Variants in UGT2B15 observed in about 807,000 individuals in gnomAD.
UGT2B15 encodes the protein UDP glucuronosyltransferase family 2 member B15, also known as UDP-glucuronosyltransferase 2B15.
UGT2B15 carries 36 observed loss-of-function variants against 45.9 expected under a neutral mutation model. The ratio of observed to expected loss-of-function variants is 0.78; its 90% CI spans 0.60 to 1.04. The LOEUF is 1.04. Ranked by LOEUF, UGT2B15 falls within the 50% of genes least tolerant of loss-of-function variation. The pLI, the probability that UGT2B15 is intolerant of heterozygous loss-of-function variation, is 0.00. For missense variants in UGT2B15, 617 were observed against 622.4 expected, an observed-to-expected ratio of 0.99 and a Z score of 0.09; for synonymous variants, 219 against 216.4, an observed-to-expected ratio of 1.01 and a Z score of -0.11.
Position 68,670,273 on chromosome 4 carries a change from A to G in UGT2B15, c.346T>C (p.Leu116=), listed in dbSNP as rs545114678. 1.2e-6 allele frequency: 2 copies of G among 1,614,090 alleles called. No homozygotes were observed. The highest frequency in any genetic ancestry group is 1.3e-5 in the African/African-American group (1 of 75,036). The part of the protein sequence containing the change: ...FWSYFSQLQE[L]CWEYYDYSNK... Reference sequence around the variant, plus strand: ...CTGTAGTCATAATATTCCCAACACAATTCTTGTAATTGTGAAAAATATGAC... The same window carrying G: ...CTGTAGTCATAATATTCCCAACACAGTTCTTGTAATTGTGAAAAATATGAC... The change falls in exon 1 of 6, where the codon TTG becomes CTG. Residue 116 remains leucine (L), a synonymous_variant. Transcript: ENST00000338206.
Position 68,655,936 on chromosome 4 carries a change from G to A in UGT2B15, c.1006-754C>T, listed in dbSNP as rs925093948. 1.5e-4 allele frequency among the ~76,000 whole-genome samples: 23 copies of A among 151,986 alleles called. 1 individual carries two copies. The highest frequency in any genetic ancestry group is 5.3e-4 in the African/African-American group (22 of 41,380). ...AACCATGAAGAGATTCTGAGTGGAG[G>A]TTCCCTGACCTTTGATAAATGTCCT... On this transcript the variant is annotated intron_variant, in intron 3 of 5. Coordinates refer to ENST00000338206, the MANE Select transcript of UGT2B15 (RefSeq NM_001076.4).
chr4:68,666,901 C>T (rs1264145624), intron 2 of UGT2B15, among the ~76,000 whole-genome samples: 1 of 151,682 alleles, frequency 6.6e-6, no homozygotes, highest in Non-Finnish European at 1.5e-5. Context: ...CACCTGCCAA[C>T]ATGCCTGGCT....
intron 3 of UGT2B15, among the ~76,000 whole-genome samples, chr4:68,659,368 T>C (rs1047978141): frequency 1.3e-5 from 2 of 152,046 alleles, no homozygotes; most frequent in African/African-American, 4.8e-5. Flanking sequence ...AATCCTTTAA[T>C]TTATTAGTTT....
intron 1 of UGT2B15, among the ~76,000 whole-genome samples, chr4:68,668,410 T>G (rs578163159): frequency 4.6e-5 from 7 of 152,292 alleles, no homozygotes; most frequent in African/African-American, 1.4e-4. Context: ...GGCAATGTAT[T>G]CAGAGATCTG....
intron 3 of UGT2B15, among the ~76,000 whole-genome samples, chr4:68,656,324 A>G (rs1732804730): frequency 1.3e-5 from 2 of 151,964 alleles, no homozygotes; most frequent in Admixed American, 6.6e-5. Flanking sequence ...GTCTTGGTTA[A>G]TGTTTAACAA....
chr4:68,665,089 T>C (rs1311450413), intron 2 of UGT2B15, among the ~76,000 whole-genome samples: 1 of 152,198 alleles, frequency 6.6e-6, no homozygotes, highest in African/African-American at 2.4e-5. Context: ...GTGATGTCTT[T>C]ATGAAAGTAA....
At chr4:68,650,926 G>A (rs1159517917) in intron 5 of UGT2B15, among the ~76,000 whole-genome samples, 1 of 148,886 alleles carries the variant, frequency 6.7e-6, no homozygotes, top group Non-Finnish European at 1.5e-5. Flanking sequence ...TCATAAGTGT[G>A]TTGGCTGCAT....
intron 5 of UGT2B15, among the ~76,000 whole-genome samples, chr4:68,652,248 A>C (rs1732676938): frequency 6.6e-6 from 1 of 152,006 alleles, no homozygotes; most frequent in African/African-American, 2.4e-5. Flanking sequence ...GGCTTTGCTG[A>C]AGTTGCTTAT....
intron 2 of UGT2B15, among the ~76,000 whole-genome samples, chr4:68,663,353 A>G (rs1733020578): frequency 6.6e-6 from 1 of 151,990 alleles, no homozygotes; most frequent in Non-Finnish European, 1.5e-5. Context: ...GTGCATATGC[A>G]TGTATGTATG....
At chr4:68,649,773 G>T (rs1732596857) in intron 5 of UGT2B15, among the ~76,000 whole-genome samples, 1 of 151,478 alleles carries the variant, frequency 6.6e-6, no homozygotes, top group Admixed American at 6.6e-5. Context: ...TCACTATTTT[G>T]TCTTTTCTTT....
At chr4:68,647,455 G>T (rs949603742) in intron 5 of UGT2B15, 72 bp from the exon 6 acceptor site, 33 of 1,466,900 alleles carry the variant, frequency 2.2e-5, no homozygotes, top group South Asian at 1.6e-4. Context: ...TCTATGGATG[G>T]TCTTTGAAAA....
chr4:68,664,279 AG>A lies in UGT2B15; in HGVS notation c.874-1141del, dbSNP rs1338621694. Among the ~76,000 whole-genome samples the A allele has an allele frequency of 6.2e-3, 866 of 138,670 alleles. 13 individuals are homozygous for A. Among genetic ancestry groups the A allele is most frequent in the East Asian group, 0.053 (219 of 4,162 alleles). The allele number at this position is 138,670 out of a possible 152,430, so 91.0% of individuals were successfully genotyped here. On this transcript the variant is annotated intron_variant, in intron 2 of 5. Coordinates refer to ENST00000338206, the MANE Select transcript of UGT2B15 (RefSeq NM_001076.4). ...GTATTCTCACACCAAAAAAAAAAAA[AG>A]AGAGAGAGAAAGAGGAAAAGAAATG...
intron 5 of UGT2B15, among the ~76,000 whole-genome samples, chr4:68,651,573 G>A (rs563190124): frequency 9.9e-5 from 15 of 152,098 alleles, no homozygotes; most frequent in African/African-American, 2.6e-4. Flanking sequence ...AAGGGATCCA[G>A]TGGCAGTTTT....
intron 5 of UGT2B15, among the ~76,000 whole-genome samples, chr4:68,649,652 T>TA (rs1340497080): frequency 1.2e-4 from 19 of 152,104 alleles, no homozygotes; most frequent in Admixed American, 1.2e-3. Context: ...TATGGATACA[T>TA]ATATACAGAT....
chr4:68,668,089 A>T lies in UGT2B15; in HGVS notation c.824T>A (p.Val275Asp). The change falls in exon 2 of 6, where the codon GTT becomes GAT. Residue 275 changes from valine (V) to aspartate (D), a missense_variant. Val to Asp is a radical substitution (Grantham distance 152). Transcript: ENST00000338206. Reference sequence around the variant, plus strand: ...ACAGTGAAGTCCTCCAACAAAATCAACATTTGGTAAGAATGGGCGAGGAAA... The same window carrying T: ...ACAGTGAAGTCCTCCAACAAAATCATCATTTGGTAAGAATGGGCGAGGAAA... ...FEFPRPFLPN[V>D]DFVGGLHCKP... is the part of the protein sequence containing the mutation. 1 of 1,614,066 alleles carries T rather than the reference A, an allele frequency of 6.2e-7. No homozygotes were observed. The highest frequency in any genetic ancestry group is 8.5e-7 in the Non-Finnish European group (1 of 1,179,970).
chr4:68,658,564 TTGTG>T (rs1268328177), intron 3 of UGT2B15, among the ~76,000 whole-genome samples: 1 of 152,104 alleles, frequency 6.6e-6, no homozygotes, highest in African/African-American at 2.4e-5. Context: ...TGATCTTTGC[TTGTG>T]TAATTTTTTA....
At chr4:68,655,018 G>T in intron 4 of UGT2B15, 77 bp downstream of exon 4, 4 of 1,482,694 alleles carry the variant, frequency 2.7e-6, no homozygotes, top group Non-Finnish European at 3.7e-6. Flanking sequence ...TGCTAAATAT[G>T]TTTGTTTTAT....
At position 68,647,288 on chromosome 4, in the gene UGT2B15, C is replaced by A; in HGVS notation, c.1409G>T (p.Arg470Leu). Residue 470 changes from arginine to leucine, a missense_variant, in exon 6 of 6, where the codon CGC (arginine) becomes CTC (leucine). Coordinates refer to ENST00000338206, the MANE Select transcript of UGT2B15 (RefSeq NM_001076.4). ...RAVFWIEFVM[R>L]HKGAKHLRVA... Reference sequence around the variant, plus strand: ...TCGAAGGTGCTTGGCTCCTTTGTGGCGCATGACAAACTCAATCCAGAAGAC... The same window carrying A: ...TCGAAGGTGCTTGGCTCCTTTGTGGAGCATGACAAACTCAATCCAGAAGAC... 1.2e-6 allele frequency: 2 copies of A among 1,613,850 alleles called. No individual in the cohort carries two copies. The highest frequency in any genetic ancestry group is 1.7e-6 in the Non-Finnish European group (2 of 1,179,876).
At chr4:68,649,395 C>T (rs1258989962) in intron 5 of UGT2B15, among the ~76,000 whole-genome samples, 1 of 147,920 alleles carries the variant, frequency 6.8e-6, no homozygotes, top group Non-Finnish European at 1.5e-5. Context: ...TCTCATGCCT[C>T]AATCTCCCAA....
Sources: gnomAD v4.1 joint callset for allele counts (sites outside exome capture counted in the v4.1 genomes callset) on GRCh38, gnomAD v4.1.1 for gene constraint, MANE v1.5 for transcripts, NCBI Gene and HGNC (gene_info 2026-07-23, HGNC 2026-07-21) for gene names.